CCSER1: variants seen among roughly 807,000 people sequenced by gnomAD.
CCSER1 encodes the protein serine-rich coiled-coil domain-containing protein 1.
In CCSER1, 41 loss-of-function variants were observed where a neutral mutation model predicts 82.0. The ratio of observed to expected loss-of-function variants is 0.50; its 90% CI spans 0.39 to 0.65. The LOEUF (loss-of-function observed/expected upper bound fraction) is 0.65, where lower values mean the gene tolerates loss of function less well. CCSER1 is among the 30% of genes least tolerant of loss of function. The pLI is 0.00. For missense variants in CCSER1, 1,119 were observed against 1,064.2 expected (o/e 1.05, Z -0.72); for synonymous variants, 414 against 383.9 (o/e 1.08, Z -0.92).
At chr4:90,271,252 T>C (rs1726223790) in intron 1 of CCSER1, among the ~76,000 whole-genome samples, 1 of 152,048 alleles carries the variant, frequency 6.6e-6, no homozygotes, top group Admixed American at 6.6e-5. Flanking sequence ...TACAAAGCTA[T>C]GGTAAACAAA....
At chr4:91,158,277 C>G (rs909544619) in intron 10 of CCSER1, among the ~76,000 whole-genome samples, 1 of 151,936 alleles carries the variant, frequency 6.6e-6, no homozygotes, top group Non-Finnish European at 1.5e-5. Context: ...TTTGCCTAAT[C>G]ATATAAATGT....
chr4:90,221,360 C>T (rs1742116592), intron 1 of CCSER1, among the ~76,000 whole-genome samples: 1 of 152,018 alleles, frequency 6.6e-6, no homozygotes, highest in Non-Finnish European at 1.5e-5. Flanking sequence ...TTTAGGTAGA[C>T]TAGATAGCTT....
At chr4:90,475,011 A>G (rs1764865928) in intron 5 of CCSER1, among the ~76,000 whole-genome samples, 1 of 152,160 alleles carries the variant, frequency 6.6e-6, no homozygotes, top group South Asian at 2.1e-4. Context: ...CTTTTAATTT[A>G]TGTTGAGTAT....
At chr4:90,208,037 TCTG>T (rs201835649) in intron 1 of CCSER1, among the ~76,000 whole-genome samples, 3,599 of 152,276 alleles carry the variant, frequency 0.024, 63 homozygotes, top group Non-Finnish European at 0.038. Flanking sequence ...TGCCGGGAGA[TCTG>T]CTGCTCTCTT....
chr4:90,965,763 C>T (rs890731668), intron 9 of CCSER1, among the ~76,000 whole-genome samples: 9 of 151,714 alleles, frequency 5.9e-5, no homozygotes, highest in East Asian at 3.9e-4. Context: ...ATGTAAAAGA[C>T]GTGAGAAGAC....
intron 5 of CCSER1, among the ~76,000 whole-genome samples, chr4:90,479,034 G>A (rs1179439099): frequency 4.0e-5 from 6 of 151,684 alleles, no homozygotes. Context: ...CCCCCACGCG[G>A]GCCTGTACTT....
intron 10 of CCSER1, among the ~76,000 whole-genome samples, chr4:91,214,853 C>T (rs1347231972): frequency 6.6e-6 from 1 of 151,998 alleles, no homozygotes; most frequent in African/African-American, 2.4e-5. Context: ...TCAATTAAAT[C>T]CTTTTACTTG....
intron 10 of CCSER1, among the ~76,000 whole-genome samples, chr4:91,550,460 CCTAT>C (rs1051209868): frequency 1.3e-5 from 2 of 152,166 alleles, no homozygotes; most frequent in African/African-American, 2.4e-5. Flanking sequence ...TCTGTATCTG[CCTAT>C]CTGTCTTTCA....
At chr4:90,517,340 G>A (rs1485135237) in intron 5 of CCSER1, among the ~76,000 whole-genome samples, 1 of 152,078 alleles carries the variant, frequency 6.6e-6, no homozygotes, top group Non-Finnish European at 1.5e-5. Flanking sequence ...CATCTGTAGT[G>A]TGGTTGCAAA....
chr4:91,475,153 A>G (rs1016153122), intron 10 of CCSER1, among the ~76,000 whole-genome samples: 5 of 151,408 alleles, frequency 3.3e-5, no homozygotes, highest in Non-Finnish European at 5.9e-5. Flanking sequence ...TTTGTAAGTG[A>G]CTATGTTTTA....
intron 1 of CCSER1, among the ~76,000 whole-genome samples, chr4:90,158,339 T>C (rs997667393): frequency 3.9e-5 from 6 of 152,190 alleles, no homozygotes; most frequent in African/African-American, 1.4e-4. Context: ...AGGGACCCAC[T>C]TGAGGAGGCC....
At chr4:90,496,880 AG>A (rs757430318) in intron 5 of CCSER1, among the ~76,000 whole-genome samples, 1 of 146,298 alleles carries the variant, frequency 6.8e-6, no homozygotes, top group Non-Finnish European at 1.5e-5. Context: ...AGGAGTGCTG[AG>A]GCAGGAGAAT....
At chr4:90,907,491 A>G (rs540556631) in intron 8 of CCSER1, among the ~76,000 whole-genome samples, 1 of 152,176 alleles carries the variant, frequency 6.6e-6, no homozygotes, top group African/African-American at 2.4e-5. Context: ...TGGATGAATC[A>G]CCTCATTAAT....
rs377733188 is a variant in CCSER1 at position 90,768,497 on chromosome 4, G to A, written c.2010+44506G>A. On this transcript the variant is annotated intron_variant, in intron 7 of 10. Coordinates refer to ENST00000509176, the MANE Select transcript of CCSER1 (RefSeq NM_001145065.2). ...ATATAGATTTTTATTCTGAGTGTAG[G>A]ATGCTGCTGTAATAAGTCTAAAATA... Among the ~76,000 whole-genome samples, 4 of 152,140 alleles carry A rather than the reference G, an allele frequency of 2.6e-5. No homozygotes were observed. The East Asian group carries it at 5.8e-4, about 22-fold the overall frequency.
At chr4:91,530,735 C>T (rs1760987584) in intron 10 of CCSER1, among the ~76,000 whole-genome samples, 1 of 149,370 alleles carries the variant, frequency 6.7e-6, no homozygotes, top group African/African-American at 2.5e-5. Flanking sequence ...CCAGGGCGGA[C>T]AGAGTGCACT....
chr4:90,828,173 C>T (rs946295775), intron 8 of CCSER1, among the ~76,000 whole-genome samples: 7 of 152,080 alleles, frequency 4.6e-5, no homozygotes, highest in Non-Finnish European at 1.0e-4. Flanking sequence ...AGAAAATGTC[C>T]ACCTATATCC....
chr4:90,291,948 G>A (rs1317621762), intron 1 of CCSER1, among the ~76,000 whole-genome samples: 1 of 151,648 alleles, frequency 6.6e-6, no homozygotes, highest in Non-Finnish European at 1.5e-5. Context: ...TACTTCCTTG[G>A]TTCTAAAACC....
chr4:91,497,086 G>A (rs747438098), intron 10 of CCSER1, among the ~76,000 whole-genome samples: 78 of 150,992 alleles, frequency 5.2e-4, no homozygotes, highest in Non-Finnish European at 8.7e-4. Context: ...GCTAATTAAA[G>A]ATACACACTC....
At chr4:90,842,392 A>C (rs951030751) in intron 8 of CCSER1, among the ~76,000 whole-genome samples, 1 of 152,154 alleles carries the variant, frequency 6.6e-6, no homozygotes, top group Non-Finnish European at 1.5e-5. Flanking sequence ...AGAACTTCTC[A>C]GGGAGAGAGT....
Sources: allele counts gnomAD v4.1 joint callset (sites outside exome capture counted in the v4.1 genomes callset), GRCh38; gene constraint gnomAD v4.1.1; transcripts MANE v1.5; gene names NCBI Gene and HGNC (gene_info 2026-07-23, HGNC 2026-07-21).